The following INPP4B variants were observed in gnomAD, a reference collection of about 807,000 sequenced individuals.
The protein encoded by INPP4B is inositol polyphosphate 4-phosphatase type II.
INPP4B carries 55 observed loss-of-function variants against 122.5 expected under a neutral mutation model. The ratio of observed to expected loss-of-function variants is 0.45; its 90% CI spans 0.36 to 0.56. The LOEUF is 0.56. Among genes scored for constraint, INPP4B ranks in the 20% least tolerant of loss-of-function variants. The pLI is 0.00. For missense variants in INPP4B, 1,000 were observed against 1,097.7 expected, an observed-to-expected ratio of 0.91 and a Z score of 1.26; for synonymous variants, 403 against 388.7, an observed-to-expected ratio of 1.04 and a Z score of -0.43.
At chr4:142,266,327 T>G (rs993753400) in intron 10 of INPP4B, among the ~76,000 whole-genome samples, 2 of 152,104 alleles carry the variant, frequency 1.3e-5, no homozygotes, top group African/African-American at 4.8e-5. Context: ...GATTTAAACC[T>G]TGGGCCTTCT....
intron 2 of INPP4B, among the ~76,000 whole-genome samples, chr4:142,609,912 T>C (rs1283456775): frequency 1.3e-5 from 2 of 152,178 alleles, no homozygotes; most frequent in Admixed American, 1.3e-4. Flanking sequence ...CCTTCTAACA[T>C]AGCACTTTCT....
chr4:142,038,202 T>C (rs945915647), intron 25 of INPP4B, among the ~76,000 whole-genome samples: 2 of 152,214 alleles, frequency 1.3e-5, no homozygotes, highest in Non-Finnish European at 2.9e-5. Context: ...CTGCAACTAT[T>C]TAAATGTTGT....
At chr4:142,698,507 C>G (rs926697850) in intron 2 of INPP4B, among the ~76,000 whole-genome samples, 4 of 152,126 alleles carry the variant, frequency 2.6e-5, no homozygotes, top group Non-Finnish European at 5.9e-5. Context: ...AATATCTGGA[C>G]TTTCTGCAGA....
intron 11 of INPP4B, among the ~76,000 whole-genome samples, chr4:142,250,379 C>A (rs1202315539): frequency 6.6e-6 from 1 of 152,192 alleles, no homozygotes; most frequent in Non-Finnish European, 1.5e-5. Context: ...CTCTCCCACT[C>A]AGTAAGTACT....
chr4:142,827,071 T>G (rs1348927800), intron 1 of INPP4B, among the ~76,000 whole-genome samples: 1 of 152,194 alleles, frequency 6.6e-6, no homozygotes, highest in Non-Finnish European at 1.5e-5. Context: ...GTCATTCACT[T>G]TCTAGGCCTG....
intron 18 of INPP4B, among the ~76,000 whole-genome samples, chr4:142,138,384 T>G (rs1473858049): frequency 2.8e-4 from 25 of 87,800 alleles, no homozygotes; most frequent in South Asian, 4.7e-4. Flanking sequence ...TGGGGACTGT[T>G]GTGGGGTGGG....
chr4:142,368,838 T>C (rs1788587197), intron 7 of INPP4B, among the ~76,000 whole-genome samples: 1 of 151,962 alleles, frequency 6.6e-6, no homozygotes, highest in African/African-American at 2.4e-5. Flanking sequence ...GGATGCCCAA[T>C]CATCTAGGAA....
chr4:142,476,155 C>T (rs1455023701), intron 2 of INPP4B, among the ~76,000 whole-genome samples: 1 of 152,142 alleles, frequency 6.6e-6, no homozygotes, highest in African/African-American at 2.4e-5. Flanking sequence ...TCAGCTGAAA[C>T]CTACAAGCCA....
At chr4:142,466,285 G>A (rs1026598644) in intron 2 of INPP4B, among the ~76,000 whole-genome samples, 1 of 152,158 alleles carries the variant, frequency 6.6e-6, no homozygotes, top group Non-Finnish European at 1.5e-5. Context: ...ACATGAAAAT[G>A]GGAAACTTAT....
In INPP4B at chr4:142,166,650, G is replaced by T. The variant is rs77022460; in HGVS notation, c.1360-6089C>A. ...TTTTGCAGTCTATCCATCTGACAAAGGTCTAATATCCAGAATCTACAAGGA... is the reference window on the plus strand; with the variant it reads ...TTTTGCAGTCTATCCATCTGACAAATGTCTAATATCCAGAATCTACAAGGA... On this transcript the variant is annotated intron_variant, in intron 16 of 25. Coordinates refer to ENST00000262992, the MANE Select transcript of INPP4B (RefSeq NM_001101669.3). 2.0e-5 allele frequency among the ~76,000 whole-genome samples: 3 copies of T among 151,468 alleles called. No homozygotes were observed. The South Asian group carries it at 6.2e-4, about 31-fold the overall frequency.
chr4:142,742,147 CT>C (rs1767993203), intron 1 of INPP4B, among the ~76,000 whole-genome samples: 1 of 151,898 alleles, frequency 6.6e-6, no homozygotes, highest in African/African-American at 2.4e-5. Flanking sequence ...ACTCACCCTC[CT>C]ATTGATAATT....
At chr4:142,319,965 G>A (rs952876587) in intron 7 of INPP4B, among the ~76,000 whole-genome samples, 6 of 152,180 alleles carry the variant, frequency 3.9e-5, no homozygotes, top group African/African-American at 1.2e-4. Context: ...AAATCAAGGT[G>A]TCAGCTGGCT....
At chr4:142,718,438 C>CGGA (rs1342148179) in intron 2 of INPP4B, among the ~76,000 whole-genome samples, 1 of 152,262 alleles carries the variant, frequency 6.6e-6, no homozygotes, top group East Asian at 1.9e-4. Flanking sequence ...ATGCCCCAAT[C>CGGA]GGATCTTATT....
At chr4:142,455,405 A>C (rs1214021399) in intron 3 of INPP4B, among the ~76,000 whole-genome samples, 1 of 152,082 alleles carries the variant, frequency 6.6e-6, no homozygotes, top group Non-Finnish European at 1.5e-5. Flanking sequence ...AATAAGTGAG[A>C]ACATATGATA....
At chr4:142,523,654 TA>T (rs1030305360) in intron 2 of INPP4B, among the ~76,000 whole-genome samples, 3 of 152,228 alleles carry the variant, frequency 2.0e-5, no homozygotes, top group African/African-American at 7.2e-5. Flanking sequence ...AAGTATGTAT[TA>T]TTTTTTCTTT....
At chr4:142,751,966 C>T (rs993529369) in intron 1 of INPP4B, among the ~76,000 whole-genome samples, 1 of 151,992 alleles carries the variant, frequency 6.6e-6, no homozygotes, top group Non-Finnish European at 1.5e-5. Flanking sequence ...TTGTATACAA[C>T]CACTTTTTTA....
In INPP4B at chr4:142,085,867, A is replaced by G. The variant is rs539497796; in HGVS notation, c.2487+277T>C. On this transcript the variant is annotated intron_variant, in intron 24 of 25. Transcript: ENST00000262992. Reference sequence around the variant, plus strand: ...ATTGACGTTGCAATACGCAACATCAAGAAACTCACAGACACTTCCTCAGAG... The same window carrying G: ...ATTGACGTTGCAATACGCAACATCAGGAAACTCACAGACACTTCCTCAGAG... Among the ~76,000 whole-genome samples, 65 of 152,240 alleles carry G rather than the reference A, an allele frequency of 4.3e-4. 1 individual carries two copies. Among genetic ancestry groups the G allele is most frequent in the Non-Finnish European group, 7.8e-4 (53 of 68,044 alleles).
chr4:142,488,285 A>G lies in INPP4B; in HGVS notation c.-190-25559T>C, dbSNP rs571830036. Among the ~76,000 whole-genome samples the G allele has an allele frequency of 8.6e-4, 131 of 152,060 alleles. 1 individual carries two copies. Among genetic ancestry groups the G allele is most frequent in the Non-Finnish European group, 3.1e-4 (21 of 67,964 alleles). On this transcript the variant is annotated intron_variant, in intron 2 of 25. Coordinates refer to ENST00000262992, the MANE Select transcript of INPP4B (RefSeq NM_001101669.3). The stretch of plus-strand genomic sequence containing the variant: ...TAATATAGTATCCTCTTTATATATA[A>G]TTAAATTGATTTCCAATATTTTGTT...
chr4:142,661,165 A>G (rs527914442), intron 2 of INPP4B, among the ~76,000 whole-genome samples: 16 of 152,296 alleles, frequency 1.1e-4, no homozygotes, highest in African/African-American at 3.8e-4. Context: ...TTTTCACCCA[A>G]TAAAACCCTA....
Sources: gnomAD v4.1 joint callset for allele counts (sites outside exome capture counted in the v4.1 genomes callset) on GRCh38, gnomAD v4.1.1 for gene constraint, MANE v1.5 for transcripts, NCBI Gene and HGNC (gene_info 2026-07-23, HGNC 2026-07-21) for gene names.